The following NOX4 variants were observed in gnomAD, a reference collection of about 807,000 sequenced individuals.
NOX4 encodes NADPH oxidase 4, also known as kidney oxidase-1.
In NOX4, 69 loss-of-function variants were observed where a neutral mutation model predicts 87.6. The ratio of observed to expected loss-of-function variants is 0.79; its 90% CI spans 0.65 to 0.96. The LOEUF is 0.96. NOX4 is among the 40% of genes least tolerant of loss of function. NOX4 has a pLI of 0.00. For synonymous variants in NOX4, 275 were observed against 238.2 expected (o/e 1.15, Z -1.42); for missense variants, 680 against 681.5 (o/e 1.00, Z 0.02).
intron 13 of NOX4, among the ~76,000 whole-genome samples, chr11:89,348,453 C>CTATATA (rs60500260): frequency 1.4e-5 from 2 of 147,528 alleles, no homozygotes; most frequent in African/African-American, 5.0e-5. Flanking sequence ...AAAAAAAAAA[C>CTATATA]TATATATATA....
intron 6 of NOX4, among the ~76,000 whole-genome samples, chr11:89,438,484 A>G (rs1241579769): frequency 1.2e-5 from 1 of 81,642 alleles, no homozygotes; most frequent in African/African-American, 6.7e-5. Context: ...TACTATATAT[A>G]CTATATAATA....
At chr11:89,427,765 C>T (rs780026665) in intron 7 of NOX4, among the ~76,000 whole-genome samples, 8 of 151,932 alleles carry the variant, frequency 5.3e-5, no homozygotes, top group Non-Finnish European at 8.8e-5. Context: ...AAAGTGACGG[C>T]GAGAATGGAA....
intron 17 of NOX4, among the ~76,000 whole-genome samples, chr11:89,331,053 A>T (rs1158535021): frequency 6.6e-6 from 1 of 151,998 alleles, no homozygotes; most frequent in Non-Finnish European, 1.5e-5. Context: ...TTTTAAGTGC[A>T]TATGGAACAT....
rs528524099 is a variant in NOX4, at chr11:89,338,598, C to A, written c.1447-1083G>T. On this transcript the variant is annotated intron_variant, in intron 15 of 17. Transcript: ENST00000263317. ...ACCTCTTCCCAGAAAAGCACAGACA[C>A]TACCTCTCTAATTGCCTGTCCTACT... 9.9e-5 allele frequency among the ~76,000 whole-genome samples: 15 copies of A among 152,232 alleles called. No homozygotes were observed. The East Asian group carries it at 2.5e-3, about 25-fold the overall frequency.
chr11:89,418,422 GAATAATAATAATAATAATAAT>G (rs113480992), intron 8 of NOX4, among the ~76,000 whole-genome samples: 2 of 139,752 alleles, frequency 1.4e-5, no homozygotes, highest in Admixed American at 7.4e-5. Context: ...TGAACATTGA[GAATAATAATAATAATAATAAT>G]AATAATAATA....
chr11:89,492,621 G>C (rs1252523656), upstream of NOX4, among the ~76,000 whole-genome samples: 1 of 152,102 alleles, frequency 6.6e-6, no homozygotes, highest in Non-Finnish European at 1.5e-5. Context: ...TTTCATGCAT[G>C]ACCAAATCCA....
At chr11:89,546,947 A>T in the NOX4 span, among the ~76,000 whole-genome samples, 23 of 152,028 alleles carry the variant, frequency 1.5e-4, no homozygotes, top group African/African-American at 5.3e-4. Context: ...TTCAAACCAT[A>T]GCAGTTTCTA....
chr11:89,571,821 A>G, the NOX4 span, among the ~76,000 whole-genome samples: 4 of 152,176 alleles, frequency 2.6e-5, no homozygotes, highest in African/African-American at 9.7e-5. Context: ...ATAAAAAGCT[A>G]CATACCTCCC....
At chr11:89,337,330 C>T in intron 16 of NOX4, 117 bp downstream of exon 16, 2 of 1,470,032 alleles carry the variant, frequency 1.4e-6, no homozygotes, top group Admixed American at 4.0e-5. Flanking sequence ...CCAAAGGAGG[C>T]TTTCCTCTAG....
the NOX4 span, among the ~76,000 whole-genome samples, chr11:89,542,631 T>A: frequency 1.3e-5 from 2 of 152,170 alleles, no homozygotes; most frequent in African/African-American, 4.8e-5. Flanking sequence ...CCATGTTTCA[T>A]AGGGCAGCTT....
At chr11:89,551,059 G>A in the NOX4 span, among the ~76,000 whole-genome samples, 4 of 152,174 alleles carry the variant, frequency 2.6e-5, no homozygotes, top group African/African-American at 9.7e-5. Flanking sequence ...CCCATTGCTT[G>A]TTGGTGTCAG....
At chr11:89,487,774 T>A (rs1946689440) in intron 2 of NOX4, among the ~76,000 whole-genome samples, 1 of 152,180 alleles carries the variant, frequency 6.6e-6, no homozygotes, top group South Asian at 2.1e-4. Context: ...GAACCAGCAA[T>A]ATTTATTTAA....
At chr11:89,349,235 C>A (rs1044839101) in intron 13 of NOX4, among the ~76,000 whole-genome samples, 3 of 151,520 alleles carry the variant, frequency 2.0e-5, no homozygotes, top group Non-Finnish European at 4.4e-5. Flanking sequence ...TGCAGTGAGC[C>A]GAAATTGCAC....
At chr11:89,489,726 T>TAAA (rs1946774070) in intron 2 of NOX4, among the ~76,000 whole-genome samples, 1 of 49,452 alleles carries the variant, frequency 2.0e-5, no homozygotes, top group Non-Finnish European at 6.7e-5. Context: ...AGACTCTGTC[T>TAAA]CAAAAAAAAA....
At chr11:89,490,894 CA>C in intron 1 of NOX4, 2 of 699,752 alleles carry the variant, frequency 2.9e-6, no homozygotes, top group South Asian at 1.5e-5. Flanking sequence ...ACAAAGGGAG[CA>C]AAAATGTTTA....
At chr11:89,587,987 T>A in the NOX4 span, among the ~76,000 whole-genome samples, 2 of 152,168 alleles carry the variant, frequency 1.3e-5, no homozygotes, top group African/African-American at 4.8e-5. Flanking sequence ...AAAATCCCAA[T>A]TGTTTTTCTT....
the NOX4 span, among the ~76,000 whole-genome samples, chr11:89,511,747 G>T: frequency 7.2e-5 from 11 of 152,016 alleles, no homozygotes; most frequent in African/African-American, 2.4e-4. Flanking sequence ...TTATTTTTCA[G>T]GTTTCTTGTT....
chr11:89,488,385 G>C (rs1170324251), intron 2 of NOX4, among the ~76,000 whole-genome samples: 1 of 151,802 alleles, frequency 6.6e-6, no homozygotes, highest in African/African-American at 2.4e-5. Flanking sequence ...TGGAAGTAGA[G>C]AGGTGAAACA....
chr11:89,329,344 G>A, intron 17 of NOX4, among the ~76,000 whole-genome samples: 2 of 93,460 alleles, frequency 2.1e-5, no homozygotes, highest in Admixed American at 1.3e-4. Flanking sequence ...GAAGCCCACA[G>A]AGAAAAAAAC....
Sources: gnomAD v4.1 joint callset for allele counts (sites outside exome capture counted in the v4.1 genomes callset) on GRCh38, gnomAD v4.1.1 for gene constraint, MANE v1.5 for transcripts, NCBI Gene and HGNC (gene_info 2026-07-23, HGNC 2026-07-21) for gene names.